The following ATP8A2 variants were observed in gnomAD, a reference collection of about 807,000 sequenced individuals.
The protein encoded by ATP8A2 is phospholipid-transporting ATPase IB.
In ATP8A2, 100 loss-of-function variants were observed where a neutral mutation model predicts 165.6. The ratio of observed to expected loss-of-function variants is 0.60; its 90% CI spans 0.51 to 0.71. The LOEUF (loss-of-function observed/expected upper bound fraction) is 0.71. Ranked by LOEUF, ATP8A2 falls within the 30% of genes least tolerant of loss-of-function variation. ATP8A2 has a pLI of 0.00. For missense variants in ATP8A2, 1,227 were observed against 1,479.5 expected (o/e 0.83, Z 2.80); for synonymous variants, 543 against 548.8 (o/e 0.99, Z 0.15).
At chr13:25,649,292 G>T (rs1399582615) in intron 24 of ATP8A2, among the ~76,000 whole-genome samples, 1 of 152,146 alleles carries the variant, frequency 6.6e-6, no homozygotes, top group African/African-American at 2.4e-5. Flanking sequence ...GGGGCAGCTG[G>T]CTGGACTGAG....
At chr13:25,430,901 G>A (rs518535) in intron 1 of ATP8A2, among the ~76,000 whole-genome samples, 55 of 151,566 alleles carry the variant, frequency 3.6e-4, no homozygotes, top group African/African-American at 1.0e-3. Context: ...CCCTGCCAAG[G>A]TAGTTTATAG....
At chr13:25,798,113 T>C (rs1317112295) in intron 27 of ATP8A2, among the ~76,000 whole-genome samples, 2 of 152,238 alleles carry the variant, frequency 1.3e-5, no homozygotes, top group Non-Finnish European at 2.9e-5. Flanking sequence ...AGGCTATGAC[T>C]TCCTCAATGC....
At chr13:25,710,593 C>T (rs746289904) in intron 25 of ATP8A2, among the ~76,000 whole-genome samples, 6 of 152,148 alleles carry the variant, frequency 3.9e-5, no homozygotes, top group Non-Finnish European at 7.4e-5. Context: ...AGGCCAGCTC[C>T]CAGGACTGGC....
chr13:25,602,523 T>G (rs2040413607), intron 24 of ATP8A2, among the ~76,000 whole-genome samples: 1 of 152,174 alleles, frequency 6.6e-6, no homozygotes, highest in South Asian at 2.1e-4. Flanking sequence ...TGCCTTGGTT[T>G]GGAGGGTAAA....
intron 24 of ATP8A2, among the ~76,000 whole-genome samples, chr13:25,658,364 A>T (rs1014400154): frequency 1.3e-5 from 2 of 152,174 alleles, no homozygotes; most frequent in Non-Finnish European, 2.9e-5. Flanking sequence ...TTGGCCAGGC[A>T]CGGTGGCTCA....
At position 25,466,614 on chromosome 13, in the gene ATP8A2, T is replaced by A. The variant is rs2035675449; in HGVS notation, c.77-2363T>A. Among the ~76,000 whole-genome samples the A allele has an allele frequency of 2.6e-5, 4 of 152,354 alleles. No individual in the cohort carries two copies. In the South Asian group the frequency reaches 8.3e-4, roughly 32 times the overall value. ...CTCAGCGGCATCTAACAAGTGATCC[T>A]GACTGGGTGCTCATCAGCATCACTT... On this transcript the variant is annotated intron_variant, in intron 1 of 36. Transcript: ENST00000381655.
intron 24 of ATP8A2, among the ~76,000 whole-genome samples, chr13:25,632,967 G>A (rs2041279645): frequency 6.6e-6 from 1 of 152,146 alleles, no homozygotes; most frequent in Non-Finnish European, 1.5e-5. Flanking sequence ...ATGCTTTTAT[G>A]CCTAAGTGAC....
chr13:25,596,960 A>T (rs1012447361), intron 24 of ATP8A2, among the ~76,000 whole-genome samples: 4 of 152,094 alleles, frequency 2.6e-5, no homozygotes, highest in Admixed American at 2.0e-4. Flanking sequence ...GTGGGTGTGT[A>T]TTATTGATAA....
rs542677384 is a variant in ATP8A2 at position 25,687,611 on chromosome 13, C to G, written c.2212-11562C>G. ...TATTCAGTGACTTCTGATCTGCGGTCACTTGGTCCCCACCCCTCCCCAGTT... is the reference window on the plus strand; with the variant it reads ...TATTCAGTGACTTCTGATCTGCGGTGACTTGGTCCCCACCCCTCCCCAGTT... On this transcript the variant is annotated intron_variant, in intron 24 of 36. Coordinates refer to ENST00000381655, the MANE Select transcript of ATP8A2 (RefSeq NM_016529.6). Among the ~76,000 whole-genome samples, 5 of 152,346 alleles carry G rather than the reference C, an allele frequency of 3.3e-5. No homozygotes were observed. The East Asian group carries it at 9.7e-4, about 29-fold the overall frequency.
At chr13:25,729,545 G>A (rs558432631) in intron 25 of ATP8A2, among the ~76,000 whole-genome samples, 150 of 152,306 alleles carry the variant, frequency 9.8e-4, no homozygotes, top group African/African-American at 3.5e-3. Context: ...TTGGGTCTGA[G>A]TCCAACCACG....
chr13:25,480,230 C>T (rs1378752946), intron 2 of ATP8A2, among the ~76,000 whole-genome samples: 1 of 150,978 alleles, frequency 6.6e-6, no homozygotes, highest in Non-Finnish European at 1.5e-5. Flanking sequence ...TCCTCACTTC[C>T]CAGTAGGGGC....
chr13:25,505,733 G>C (rs1375038163), intron 2 of ATP8A2, among the ~76,000 whole-genome samples: 1 of 152,190 alleles, frequency 6.6e-6, no homozygotes, highest in Non-Finnish European at 1.5e-5. Flanking sequence ...CTAGCATGTT[G>C]ATGGCTCTAC....
rs374159711 is a variant in ATP8A2 at position 25,815,115 on chromosome 13, AG to A, written c.2680-12999del. ...AATAAAACTCTTAGAAGAAGACATA[AG>A]GGGACAGTTTCATGACATTGAATTT... On this transcript the variant is annotated intron_variant, in intron 27 of 36. Coordinates refer to ENST00000381655, the MANE Select transcript of ATP8A2 (RefSeq NM_016529.6). 2.1e-3 allele frequency among the ~76,000 whole-genome samples: 315 copies of A among 152,310 alleles called. 2 individuals are homozygous for A. Among genetic ancestry groups the A allele is most frequent in the African/African-American group, 7.2e-3 (300 of 41,560 alleles).
At chr13:25,755,434 C>T (rs985495022) in intron 25 of ATP8A2, among the ~76,000 whole-genome samples, 1 of 152,186 alleles carries the variant, frequency 6.6e-6, no homozygotes, top group Non-Finnish European at 1.5e-5. Context: ...ATCTGATTCA[C>T]ATAGGCAAAA....
rs1399832270 is a variant in ATP8A2, at chr13:26,020,202, G to A, written c.*217G>A. The A allele has an allele frequency of 3.5e-6, 2 of 573,242 alleles. No individual in the cohort carries two copies. Among genetic ancestry groups the A allele is most frequent in the African/African-American group, 1.9e-5 (1 of 53,290 alleles). 35.5% of individuals were successfully genotyped at this position (573,242 alleles called of 1,614,324 possible). A position where few individuals can be genotyped will look rare whatever the true frequency, so the allele number is the denominator to read the frequency against. On this transcript the variant is annotated 3_prime_UTR_variant, in exon 37 of 37. Coordinates refer to ENST00000381655, the MANE Select transcript of ATP8A2 (RefSeq NM_016529.6). ...TCTTTGCCCTCCCAACTCGTCTGCA[G>A]TGCTTAGCCTAACTTTTGTTTATGT...
chr13:25,856,545 A>C (rs866787098), intron 30 of ATP8A2, among the ~76,000 whole-genome samples: 79 of 152,356 alleles, frequency 5.2e-4, no homozygotes, highest in African/African-American at 1.8e-3. Context: ...ATCAATTAAA[A>C]ATGATTTTAT....
intron 29 of ATP8A2, among the ~76,000 whole-genome samples, chr13:25,838,792 G>A (rs1044185403): frequency 6.6e-6 from 1 of 152,040 alleles, no homozygotes; most frequent in African/African-American, 2.4e-5. Context: ...TGGCCGAATA[G>A]GAATAGCTCT....
intron 24 of ATP8A2, among the ~76,000 whole-genome samples, chr13:25,609,536 G>GAATCAAATATATATATATAT (rs2040606953): frequency 8.8e-6 from 1 of 114,216 alleles, no homozygotes; most frequent in African/African-American, 2.8e-5. Flanking sequence ...ATATATTTGG[G>GAATCAAATATATATATATAT]ATTCAAATAT....
At chr13:25,434,406 A>T (rs892798769) in intron 1 of ATP8A2, among the ~76,000 whole-genome samples, 1 of 151,618 alleles carries the variant, frequency 6.6e-6, no homozygotes, top group Non-Finnish European at 1.5e-5. Flanking sequence ...TGGAGTGCAA[A>T]GGCGTTATCT....
Sources: gnomAD v4.1 joint callset for allele counts (sites outside exome capture counted in the v4.1 genomes callset) on GRCh38, gnomAD v4.1.1 for gene constraint, MANE v1.5 for transcripts, NCBI Gene and HGNC (gene_info 2026-07-23, HGNC 2026-07-21) for gene names.